Variants in ALK observed in about 807,000 individuals in gnomAD.
ALK encodes ALK receptor tyrosine kinase.
ALK carries 74 observed loss-of-function variants against 163.1 expected under a neutral mutation model. The observed-to-expected ratio is 0.45, with a 90% CI of 0.38 to 0.55. ALK has a LOEUF of 0.55. ALK is among the 20% of genes least tolerant of loss of function. The pLI, the probability that ALK is intolerant of heterozygous loss-of-function variation, is 0.00. For missense variants in ALK, 2,063 were observed against 2,105.3 expected, an observed-to-expected ratio of 0.98 and a Z score of 0.39; for synonymous variants, 960 against 843.2, an observed-to-expected ratio of 1.14 and a Z score of -2.40.
intron 25 of ALK, among the ~76,000 whole-genome samples, chr2:29,208,913 G>GA (rs113318152): frequency 0.044 from 6,407 of 146,814 alleles, 389 homozygotes; most frequent in African/African-American, 0.14. Flanking sequence ...TTTTAAAACT[G>GA]AAAAAAAAAA....
chr2:29,819,782 A>G (rs1664995850), intron 1 of ALK, among the ~76,000 whole-genome samples: 4 of 152,178 alleles, frequency 2.6e-5, no homozygotes. Context: ...TAGACTCCCC[A>G]TGGTCAGCAG....
At chr2:29,442,702 C>T (rs571101658) in intron 4 of ALK, among the ~76,000 whole-genome samples, 3 of 152,226 alleles carry the variant, frequency 2.0e-5, no homozygotes, top group Non-Finnish European at 2.9e-5. Context: ...GGGAAGGGTA[C>T]GCACCTAAAA....
At chr2:29,725,174 G>T (rs147891076) in intron 1 of ALK, among the ~76,000 whole-genome samples, 1 of 30,588 alleles carries the variant, frequency 3.3e-5, no homozygotes, top group Admixed American at 2.3e-4. Flanking sequence ...AAAAAAAAAA[G>T]GAATCACAAA....
At chr2:29,903,855 C>G (rs1049688030) in intron 1 of ALK, among the ~76,000 whole-genome samples, 1 of 152,108 alleles carries the variant, frequency 6.6e-6, no homozygotes, top group African/African-American at 2.4e-5. Flanking sequence ...GACCCTGCAA[C>G]TGTTTATAGA....
intron 4 of ALK, among the ~76,000 whole-genome samples, chr2:29,447,561 AAAGAT>A (rs1303068592): frequency 3.9e-5 from 6 of 152,216 alleles, no homozygotes; most frequent in Non-Finnish European, 5.9e-5. Flanking sequence ...AGCACGCATA[AAAGAT>A]AAGAACATGG....
chr2:29,465,283 G>C (rs935937636), intron 4 of ALK, among the ~76,000 whole-genome samples: 3 of 152,128 alleles, frequency 2.0e-5, no homozygotes, highest in African/African-American at 7.2e-5. Context: ...TATCTTTAAA[G>C]TGTTAAAAGA....
chr2:29,903,715 A>G (rs1260836609), intron 1 of ALK, among the ~76,000 whole-genome samples: 3 of 152,200 alleles, frequency 2.0e-5, no homozygotes, highest in African/African-American at 4.8e-5. Flanking sequence ...AGAAAGAAAA[A>G]TAAATGTTCT....
chr2:29,887,630 G>C (rs1400451870), intron 1 of ALK, among the ~76,000 whole-genome samples: 1 of 152,134 alleles, frequency 6.6e-6, no homozygotes, highest in Non-Finnish European at 1.5e-5. Context: ...TGCAGATTCT[G>C]GTTGGGTAGG....
chr2:29,441,013 A>AACTTGG (rs1443094211), intron 4 of ALK, among the ~76,000 whole-genome samples: 2 of 152,102 alleles, frequency 1.3e-5, no homozygotes, highest in Admixed American at 1.3e-4. Context: ...TTCAATAGCC[A>AACTTGG]ACTTGGACTT....
chr2:29,832,772 T>C (rs1448146774), intron 1 of ALK, among the ~76,000 whole-genome samples: 1 of 152,236 alleles, frequency 6.6e-6, no homozygotes, highest in African/African-American at 2.4e-5. Flanking sequence ...AGTGAGGCAC[T>C]GCCCATCTTC....
intron 5 of ALK, among the ~76,000 whole-genome samples, chr2:29,337,338 T>A (rs1284717055): frequency 6.6e-6 from 1 of 152,174 alleles, no homozygotes; most frequent in Non-Finnish European, 1.5e-5. Flanking sequence ...GAAATCATGA[T>A]TCCGGGAAGT....
chr2:29,499,641 C>T (rs1170630532), intron 4 of ALK, among the ~76,000 whole-genome samples: 26 of 152,168 alleles, frequency 1.7e-4, no homozygotes, highest in Admixed American at 1.7e-3. Flanking sequence ...GATTGTTCAT[C>T]ATTATTGCTC....
At chr2:29,650,332 A>G (rs984394050) in intron 3 of ALK, among the ~76,000 whole-genome samples, 3 of 152,322 alleles carry the variant, frequency 2.0e-5, no homozygotes, top group Admixed American at 6.5e-5. Flanking sequence ...GCAAAAATGC[A>G]TCACTTTGGA....
chr2:29,455,947 C>T (rs1670941380), intron 4 of ALK, among the ~76,000 whole-genome samples: 1 of 152,136 alleles, frequency 6.6e-6, no homozygotes, highest in South Asian at 2.1e-4. Context: ...GGAACACAGC[C>T]ATAAGTTTGA....
intron 2 of ALK, among the ~76,000 whole-genome samples, chr2:29,704,314 G>C (rs531771813): frequency 6.6e-6 from 1 of 152,086 alleles, no homozygotes; most frequent in Non-Finnish European, 1.5e-5. Flanking sequence ...CTCTTTGCTC[G>C]AGGGATTCAT....
chr2:29,420,341 T>C (rs773763522), intron 4 of ALK, among the ~76,000 whole-genome samples: 11 of 151,380 alleles, frequency 7.3e-5, no homozygotes, highest in Non-Finnish European at 1.6e-4. Context: ...CTTTTACAGA[T>C]ATTTGAAGGT....
At chr2:29,343,963 G>A (rs931640767) in intron 5 of ALK, among the ~76,000 whole-genome samples, 1 of 152,088 alleles carries the variant, frequency 6.6e-6, no homozygotes, top group Non-Finnish European at 1.5e-5. Context: ...TTCATTTAGG[G>A]AAAAAAGGTG....
In ALK at chr2:29,193,167, C is replaced by G. The variant is rs989939823; in HGVS notation, c.*57G>C. ...CTGGTTTGTGAAGGAGCCATTGCCT[C>G]TCTCTCCTCCACGGTCTTAGGGATC... On this transcript the variant is annotated 3_prime_UTR_variant, in exon 29 of 29. Coordinates refer to ENST00000389048, the MANE Select transcript of ALK (RefSeq NM_004304.5). 6.6e-7 allele frequency: 1 copy of G among 1,506,514 alleles called. No homozygotes were observed. The highest frequency in any genetic ancestry group is 9.1e-7 in the Non-Finnish European group (1 of 1,094,962). The allele number at this position is 1,506,514 out of a possible 1,614,324, so 93.3% of individuals were successfully genotyped here.
chr2:29,545,371 T>C (rs1170413798), intron 3 of ALK, among the ~76,000 whole-genome samples: 1 of 152,236 alleles, frequency 6.6e-6, no homozygotes, highest in Non-Finnish European at 1.5e-5. Flanking sequence ...AATTCTACTA[T>C]CCTGTGTAGC....
Sources: gnomAD v4.1 joint callset for allele counts (sites outside exome capture counted in the v4.1 genomes callset) on GRCh38, gnomAD v4.1.1 for gene constraint, MANE v1.5 for transcripts, NCBI Gene and HGNC (gene_info 2026-07-23, HGNC 2026-07-21) for gene names.